The following ADGRL3 variants were observed in gnomAD, a reference collection of about 807,000 sequenced individuals.
ADGRL3 encodes the protein calcium-independent alpha-latrotoxin receptor 3.
ADGRL3 carries 62 observed loss-of-function variants against 153.5 expected under a neutral mutation model. The ratio of observed to expected loss-of-function variants is 0.40; its 90% CI spans 0.33 to 0.50. The LOEUF is 0.50. ADGRL3 is among the 20% of genes least tolerant of loss of function. The probability of loss-of-function intolerance (pLI) is 0.47; values close to 1 mark genes in which losing one functional copy is unlikely to be tolerated. For synonymous variants in ADGRL3, 710 were observed against 672.5 expected, an observed-to-expected ratio of 1.06 and a Z score of -0.86; for missense variants, 1,641 against 1,859.4, an observed-to-expected ratio of 0.88 and a Z score of 2.16.
chr4:61,717,772 A>C (rs994614125), intron 6 of ADGRL3, among the ~76,000 whole-genome samples: 67 of 152,160 alleles, frequency 4.4e-4, no homozygotes, highest in African/African-American at 1.6e-3. Flanking sequence ...TGTGGCTGAC[A>C]CCTGTAATCC....
chr4:61,318,254 T>C (rs1332495545), intron 1 of ADGRL3, among the ~76,000 whole-genome samples: 1 of 135,078 alleles, frequency 7.4e-6, no homozygotes, highest in East Asian at 2.1e-4. Context: ...AGAAAATATA[T>C]AGGATAATAT....
At chr4:62,033,464 A>T (rs1213683687) in intron 23 of ADGRL3, among the ~76,000 whole-genome samples, 2 of 151,732 alleles carry the variant, frequency 1.3e-5, no homozygotes, top group Non-Finnish European at 3.0e-5. Flanking sequence ...AACGAGAATC[A>T]AGATGATACA....
chr4:61,372,757 C>A (rs1293186345), intron 1 of ADGRL3, among the ~76,000 whole-genome samples: 1 of 152,044 alleles, frequency 6.6e-6, no homozygotes, highest in Non-Finnish European at 1.5e-5. Context: ...TGGGCTCCAC[C>A]CAGTTCGAGC....
chr4:61,749,368 C>T (rs1184531205), intron 8 of ADGRL3, among the ~76,000 whole-genome samples: 1 of 152,024 alleles, frequency 6.6e-6, no homozygotes, highest in Non-Finnish European at 1.5e-5. Context: ...GGGTATATAC[C>T]CAAAGGACTA....
chr4:62,055,094 C>A (rs1736317484), intron 25 of ADGRL3, among the ~76,000 whole-genome samples: 1 of 151,638 alleles, frequency 6.6e-6, no homozygotes, highest in Non-Finnish European at 1.5e-5. Context: ...AGATATGACC[C>A]AGCAATTTGA....
At chr4:61,687,987 A>T (rs140355773) in intron 6 of ADGRL3, among the ~76,000 whole-genome samples, 61 of 152,190 alleles carry the variant, frequency 4.0e-4, no homozygotes, top group African/African-American at 1.4e-3. Flanking sequence ...TACAAACATG[A>T]CTGGTTCCTA....
At chr4:61,473,635 G>A (rs555617367) in intron 2 of ADGRL3, among the ~76,000 whole-genome samples, 1 of 151,984 alleles carries the variant, frequency 6.6e-6, no homozygotes, top group East Asian at 1.9e-4. Context: ...CATGTATAGA[G>A]TTTATAATAG....
chr4:61,310,449 C>CGAT (rs1363932849), intron 1 of ADGRL3, among the ~76,000 whole-genome samples: 3 of 151,954 alleles, frequency 2.0e-5, no homozygotes, highest in Non-Finnish European at 4.4e-5. Context: ...AGAACAATAC[C>CGAT]GATTTTCCAT....
chr4:61,258,719 A>T (rs898848455), intron 1 of ADGRL3, among the ~76,000 whole-genome samples: 1 of 152,208 alleles, frequency 6.6e-6, no homozygotes, highest in Non-Finnish European at 1.5e-5. Flanking sequence ...CACCCAGTGT[A>T]CTATTCTTTC....
chr4:61,778,258 A>G (rs1423924428), intron 8 of ADGRL3, among the ~76,000 whole-genome samples: 2 of 152,224 alleles, frequency 1.3e-5, no homozygotes, highest in Admixed American at 1.3e-4. Flanking sequence ...AACTATTCCA[A>G]ACTCTGGAAA....
At chr4:61,781,677 A>G (rs2097216112) in intron 8 of ADGRL3, among the ~76,000 whole-genome samples, 1 of 152,186 alleles carries the variant, frequency 6.6e-6, no homozygotes, top group African/African-American at 2.4e-5. Context: ...GATGTGTGGC[A>G]ATTCTGATAT....
chr4:61,664,284 T>G (rs550793692), intron 5 of ADGRL3, among the ~76,000 whole-genome samples: 1 of 152,356 alleles, frequency 6.6e-6, no homozygotes, highest in South Asian at 2.1e-4. Context: ...GCATTAAATT[T>G]TATCAGAATA....
chr4:61,936,671 G>A (rs2098839748), intron 15 of ADGRL3, among the ~76,000 whole-genome samples: 1 of 151,810 alleles, frequency 6.6e-6, no homozygotes, highest in African/African-American at 2.4e-5. Flanking sequence ...CTGTATGTGT[G>A]TATATATGTA....
chr4:61,788,132 G>A (rs1162875609), intron 8 of ADGRL3, among the ~76,000 whole-genome samples: 1 of 152,140 alleles, frequency 6.6e-6, no homozygotes, highest in East Asian at 1.9e-4. Context: ...CTTGCCCTAA[G>A]AAAGGAGAAA....
At chr4:61,606,558 G>A (rs2099033146) in intron 5 of ADGRL3, among the ~76,000 whole-genome samples, 1 of 152,046 alleles carries the variant, frequency 6.6e-6, no homozygotes, top group Non-Finnish European at 1.5e-5. Flanking sequence ...TTCTTATAAG[G>A]ACATCAGTCC....
chr4:61,294,933 AC>A (rs2094355888), intron 1 of ADGRL3, among the ~76,000 whole-genome samples: 1 of 142,486 alleles, frequency 7.0e-6, no homozygotes, highest in African/African-American at 2.6e-5. Context: ...ACACACACAC[AC>A]AGTAGTCCCC....
intron 9 of ADGRL3, among the ~76,000 whole-genome samples, chr4:61,878,412 G>A (rs1204562209): frequency 1.7e-4 from 26 of 152,098 alleles, no homozygotes; most frequent in Admixed American, 1.6e-3. Flanking sequence ...TTTGTTTTTT[G>A]GGTTTTGTAT....
rs925055604 is a variant in ADGRL3 at position 62,075,650 on chromosome 4, T to G, written c.*4742T>G. On this transcript the variant is annotated 3_prime_UTR_variant, in exon 27 of 27. Transcript: ENST00000683033. Reference sequence around the variant, plus strand: ...ATGCATTTCTAAGTAACGTTTTCAATATAGCTTATATTAGATTTCTGCACA... The same window carrying G: ...ATGCATTTCTAAGTAACGTTTTCAAGATAGCTTATATTAGATTTCTGCACA... 1 of 152,310 alleles carries G rather than the reference T, an allele frequency of 6.6e-6. No homozygotes were observed. Among genetic ancestry groups the G allele is most frequent in the East Asian group, 1.9e-4 (1 of 5,178 alleles). 9.4% of individuals were successfully genotyped at this position (152,310 alleles called of 1,614,324 possible). A position where few individuals can be genotyped will look rare whatever the true frequency, so the allele number is the denominator to read the frequency against.
At chr4:61,427,496 C>A in intron 2 of ADGRL3, 1 of 153,480 alleles carries the variant, frequency 6.5e-6, no homozygotes. Context: ...TAGGGGTTCC[C>A]CCATGCACTG....
Sources: allele counts gnomAD v4.1 joint callset (sites outside exome capture counted in the v4.1 genomes callset), GRCh38; gene constraint gnomAD v4.1.1; transcripts MANE v1.5; gene names NCBI Gene and HGNC (gene_info 2026-07-23, HGNC 2026-07-21).